NCKAP5: variants seen among roughly 807,000 people sequenced by gnomAD.
NCKAP5 encodes the protein nck-associated protein 5.
In NCKAP5, 92 loss-of-function variants were observed where a neutral mutation model predicts 167.0. The observed-to-expected ratio is 0.55, with a 90% CI of 0.47 to 0.66. The LOEUF (loss-of-function observed/expected upper bound fraction) is 0.66, where lower values mean the gene tolerates loss of function less well. Ranked by LOEUF, NCKAP5 falls within the 30% of genes least tolerant of loss-of-function variation. NCKAP5 has a pLI of 0.00. For synonymous variants in NCKAP5, 891 were observed against 877.4 expected, an observed-to-expected ratio of 1.02 and a Z score of -0.27; for missense variants, 2,378 against 2,315.0, an observed-to-expected ratio of 1.03 and a Z score of -0.56.
chr2:133,577,108 A>G, the NCKAP5 span, among the ~76,000 whole-genome samples: 1 of 152,078 alleles, frequency 6.6e-6, no homozygotes, highest in South Asian at 2.1e-4. Flanking sequence ...CCATACCAAC[A>G]CCAAATTATG....
At chr2:133,027,578 G>T (rs530876979) in intron 6 of NCKAP5, among the ~76,000 whole-genome samples, 1 of 152,084 alleles carries the variant, frequency 6.6e-6, no homozygotes, top group Non-Finnish European at 1.5e-5. Flanking sequence ...TATCCAAACT[G>T]CTTCATGACA....
intron 13 of NCKAP5, 59 bp downstream of exon 13, chr2:132,789,964 A>C: frequency 6.6e-7 from 1 of 1,511,102 alleles, no homozygotes; most frequent in Non-Finnish European, 8.9e-7. Context: ...CATCTCCATG[A>C]CCAAATCCTA....
intron 4 of NCKAP5, among the ~76,000 whole-genome samples, chr2:133,288,834 A>T (rs2150503973): frequency 1.3e-5 from 2 of 152,264 alleles, no homozygotes; most frequent in South Asian, 4.2e-4. Flanking sequence ...GCCACTTCCA[A>T]CCATTTTATG....
chr2:133,478,917 T>C (rs1186268599), intron 3 of NCKAP5, among the ~76,000 whole-genome samples: 1 of 152,010 alleles, frequency 6.6e-6, no homozygotes, highest in East Asian at 1.9e-4. Flanking sequence ...ATCCGCCCAA[T>C]TGTCACCCTG....
intron 4 of NCKAP5, among the ~76,000 whole-genome samples, chr2:133,297,617 A>C (rs1179118792): frequency 6.6e-6 from 1 of 152,200 alleles, no homozygotes; most frequent in East Asian, 1.9e-4. Context: ...GAAACTTTTT[A>C]ATCTTTGCAC....
chr2:133,108,891 C>T (rs1471306415), intron 6 of NCKAP5, among the ~76,000 whole-genome samples: 1 of 152,148 alleles, frequency 6.6e-6, no homozygotes, highest in Non-Finnish European at 1.5e-5. Flanking sequence ...GATAATATTC[C>T]ATTGTGTCTG....
intron 3 of NCKAP5, among the ~76,000 whole-genome samples, chr2:133,305,366 C>T (rs543473271): frequency 3.3e-5 from 5 of 152,222 alleles, no homozygotes; most frequent in Admixed American, 6.5e-5. Flanking sequence ...TCTTCATCTT[C>T]GTCAGAGGGA....
At chr2:133,379,150 T>C (rs943198843) in intron 3 of NCKAP5, among the ~76,000 whole-genome samples, 9 of 152,208 alleles carry the variant, frequency 5.9e-5, no homozygotes, top group African/African-American at 1.9e-4. Flanking sequence ...ATAACATTAG[T>C]TGAATTTACA....
chr2:133,413,342 T>C (rs1019881546), intron 3 of NCKAP5, among the ~76,000 whole-genome samples: 2 of 152,224 alleles, frequency 1.3e-5, no homozygotes, highest in Admixed American at 1.3e-4. Flanking sequence ...TCTAGCCAGA[T>C]TGTAATGCAC....
At chr2:133,453,797 G>A (rs1375877680) in intron 3 of NCKAP5, among the ~76,000 whole-genome samples, 2 of 152,004 alleles carry the variant, frequency 1.3e-5, no homozygotes, top group Non-Finnish European at 2.9e-5. Context: ...TTCTGGATAT[G>A]TTTATAATGA....
chr2:133,575,458 G>A, the NCKAP5 span, among the ~76,000 whole-genome samples: 3 of 152,130 alleles, frequency 2.0e-5, no homozygotes, highest in Middle Eastern at 3.2e-3. Context: ...TATCGGTTAG[G>A]GTCATGAGAA....
intron 4 of NCKAP5, among the ~76,000 whole-genome samples, chr2:133,235,456 G>C (rs2087358110): frequency 6.6e-6 from 1 of 152,158 alleles, no homozygotes; most frequent in African/African-American, 2.4e-5. Flanking sequence ...AAAAAGGCAG[G>C]CTGGGCATGG....
chr2:133,074,316 T>C (rs2080520164), intron 6 of NCKAP5, among the ~76,000 whole-genome samples: 1 of 151,588 alleles, frequency 6.6e-6, no homozygotes, highest in Admixed American at 6.6e-5. Flanking sequence ...TTGAAATAAA[T>C]GAAAAAAAGC....
chr2:133,540,073 C>G (rs1316395334), intron 2 of NCKAP5, among the ~76,000 whole-genome samples: 1 of 152,084 alleles, frequency 6.6e-6, no homozygotes, highest in African/African-American at 2.4e-5. Flanking sequence ...CCCAGCTACT[C>G]AGGAGGCTGC....
intron 8 of NCKAP5, among the ~76,000 whole-genome samples, chr2:132,916,153 C>A (rs1558937478): frequency 1.3e-5 from 2 of 150,718 alleles, no homozygotes; most frequent in Admixed American, 6.6e-5. Flanking sequence ...AGGCTGCCCT[C>A]TTTTTTTTTA....
intron 11 of NCKAP5, among the ~76,000 whole-genome samples, chr2:132,854,993 A>C (rs1689352644): frequency 6.6e-6 from 1 of 152,138 alleles, no homozygotes; most frequent in Non-Finnish European, 1.5e-5. Flanking sequence ...GTGTGAAGCA[A>C]GTCTATAGAG....
chr2:133,518,013 A>G (rs972936010), intron 2 of NCKAP5, among the ~76,000 whole-genome samples: 3 of 152,334 alleles, frequency 2.0e-5, no homozygotes, highest in East Asian at 3.9e-4. Context: ...TCAAGGCCCA[A>G]TGAAGGGAAA....
At chr2:132,731,533 T>C (rs1488577341) in intron 17 of NCKAP5, among the ~76,000 whole-genome samples, 1 of 152,230 alleles carries the variant, frequency 6.6e-6, no homozygotes, top group Non-Finnish European at 1.5e-5. Flanking sequence ...TGTTTCCTTA[T>C]ATGTGTGTGT....
intron 11 of NCKAP5, among the ~76,000 whole-genome samples, chr2:132,859,277 G>A (rs16842636): frequency 0.26 from 39,824 of 152,010 alleles, 5,615 homozygotes; most frequent in East Asian, 0.45. Context: ...TCAGCTTACC[G>A]AACATCTTTC....
Sources: gnomAD v4.1 joint callset for allele counts (sites outside exome capture counted in the v4.1 genomes callset) on GRCh38, gnomAD v4.1.1 for gene constraint, MANE v1.5 for transcripts, NCBI Gene and HGNC (gene_info 2026-07-23, HGNC 2026-07-21) for gene names.